CAST: variants seen among roughly 807,000 people sequenced by gnomAD.
CAST encodes the protein calpastatin, also known as MIR583 host.
CAST carries 76 observed loss-of-function variants against 119.6 expected under a neutral mutation model. The observed-to-expected ratio is 0.64, with a 90% CI of 0.53 to 0.77. The LOEUF is 0.77. CAST is among the 30% of genes least tolerant of loss of function. CAST has a pLI of 0.00. For synonymous variants in CAST, 319 were observed against 331.6 expected (o/e 0.96, Z 0.41); for missense variants, 953 against 946.5 (o/e 1.01, Z -0.09).
chr5:96,746,442 A>G lies in CAST; in HGVS notation c.1284+17A>G. On this transcript the variant is annotated intron_variant, in intron 17 of 31. Coordinates refer to ENST00000675179, the MANE Select transcript of CAST (RefSeq NM_001750.7). ...CCAGCCACGGTAAATTTTTAGCCAC[A>G]GTGCATGACAACAGCATCTTGCCTT... 1 of 1,404,018 alleles carries G rather than the reference A, an allele frequency of 7.1e-7. No individual in the cohort carries two copies. 87.0% of individuals were successfully genotyped at this position (1,404,018 alleles called of 1,614,324 possible). A position where few individuals can be genotyped will look rare whatever the true frequency, so the allele number is the denominator to read the frequency against.
At chr5:96,230,631 G>A in the CAST span, among the ~76,000 whole-genome samples, 1 of 152,090 alleles carries the variant, frequency 6.6e-6, no homozygotes, top group Non-Finnish European at 1.5e-5. Context: ...AGCAATGAAA[G>A]TAGGATTGTT....
At chr5:96,338,879 G>T in the CAST span, among the ~76,000 whole-genome samples, 1 of 152,094 alleles carries the variant, frequency 6.6e-6, no homozygotes, top group African/African-American at 2.4e-5. Context: ...GTCTTCCTCT[G>T]TGTGCCATTC....
the CAST span, among the ~76,000 whole-genome samples, chr5:96,455,027 G>T: frequency 6.6e-6 from 1 of 152,072 alleles, no homozygotes; most frequent in Non-Finnish European, 1.5e-5. Context: ...AATGAATTTA[G>T]CATAAAAAGT....
chr5:96,101,460 A>G, the CAST span, among the ~76,000 whole-genome samples: 2 of 152,304 alleles, frequency 1.3e-5, no homozygotes, highest in South Asian at 4.1e-4. Flanking sequence ...CTGCTTGCTT[A>G]CAAATTTTAC....
intron 1 of CAST, among the ~76,000 whole-genome samples, chr5:96,646,894 A>T (rs1748020672): frequency 6.6e-6 from 1 of 152,210 alleles, no homozygotes; most frequent in South Asian, 2.1e-4. Context: ...ACTTCTAGAA[A>T]TCACTTAGCC....
chr5:96,358,024 T>C, the CAST span, among the ~76,000 whole-genome samples: 3 of 152,220 alleles, frequency 2.0e-5, no homozygotes, highest in Non-Finnish European at 4.4e-5. Flanking sequence ...TATTGGTCTA[T>C]TCAGAGATTC....
the CAST span, among the ~76,000 whole-genome samples, chr5:96,015,255 T>C: frequency 1.3e-5 from 2 of 152,182 alleles, no homozygotes; most frequent in Non-Finnish European, 2.9e-5. Flanking sequence ...CTTTTATTTT[T>C]TTAAAATCCA....
the CAST span, among the ~76,000 whole-genome samples, chr5:96,302,556 C>T: frequency 2.6e-5 from 4 of 152,144 alleles, no homozygotes; most frequent in African/African-American, 7.2e-5. Context: ...TTTGTTTATG[C>T]AGATAAGCAT....
chr5:96,521,664 GA>G (rs1292749814), upstream of CAST, among the ~76,000 whole-genome samples: 4 of 152,050 alleles, frequency 2.6e-5, no homozygotes, highest in Admixed American at 2.6e-4. Context: ...TCACTCAATA[GA>G]CCTTGAGTTC....
At chr5:96,704,793 A>G (rs1204822670) in intron 3 of CAST, among the ~76,000 whole-genome samples, 10 of 152,232 alleles carry the variant, frequency 6.6e-5, no homozygotes, top group Admixed American at 6.5e-4. Flanking sequence ...CTAGAAAATT[A>G]CAGGAGGTCT....
intron 1 of CAST, among the ~76,000 whole-genome samples, chr5:96,607,129 A>T (rs1219878110): frequency 6.6e-6 from 1 of 152,126 alleles, no homozygotes; most frequent in African/African-American, 2.4e-5. Flanking sequence ...TCTACTAAAA[A>T]TGCAAAAAAT....
rs1773638165 is a variant in CAST at position 96,774,523 on chromosome 5, C to A, written c.*1907C>A. The stretch of plus-strand genomic sequence containing the variant: ...CAATTTTTTATTATCAAAAAGGTTT[C>A]TGCACATTGTTGTGGCAATATTGTA... On this transcript the variant is annotated 3_prime_UTR_variant, in exon 32 of 32. Transcript: ENST00000675179. 1 of 986,140 alleles carries A rather than the reference C, an allele frequency of 1.0e-6. No individual in the cohort carries two copies. The highest frequency in any genetic ancestry group is 4.7e-5 in the South Asian group (1 of 21,288). The allele number at this position is 986,140 out of a possible 1,614,324, so 61.1% of individuals were successfully genotyped here.
chr5:96,169,754 G>A, the CAST span, among the ~76,000 whole-genome samples: 1 of 152,126 alleles, frequency 6.6e-6, no homozygotes, highest in East Asian at 1.9e-4. Flanking sequence ...AGATACAAGG[G>A]GAGGATGTCA....
chr5:96,618,067 C>A (rs1227915581), intron 1 of CAST, among the ~76,000 whole-genome samples: 1 of 152,126 alleles, frequency 6.6e-6, no homozygotes, highest in Non-Finnish European at 1.5e-5. Flanking sequence ...GTGGCAGGAG[C>A]TTGGCTTAGA....
chr5:96,059,085 G>C, the CAST span, among the ~76,000 whole-genome samples: 1 of 151,670 alleles, frequency 6.6e-6, no homozygotes, highest in African/African-American at 2.4e-5. Context: ...TTTTTTGTTA[G>C]AGATGAGAAC....
At chr5:96,414,753 A>G in the CAST span, among the ~76,000 whole-genome samples, 5 of 152,336 alleles carry the variant, frequency 3.3e-5, no homozygotes, top group East Asian at 7.7e-4. Context: ...TTCGTTCATT[A>G]TGACTAAAAG....
At chr5:96,117,401 C>T in the CAST span, among the ~76,000 whole-genome samples, 1,562 of 152,154 alleles carry the variant, frequency 0.01, 17 homozygotes, top group African/African-American at 0.026. Context: ...TAACCATGTC[C>T]GTGTAGAAAC....
At chr5:96,031,722 G>A in the CAST span, among the ~76,000 whole-genome samples, 1 of 151,942 alleles carries the variant, frequency 6.6e-6, no homozygotes, top group Non-Finnish European at 1.5e-5. Flanking sequence ...TACTGTTTTT[G>A]TTTTGTTTTT....
At chr5:96,130,998 C>T in the CAST span, among the ~76,000 whole-genome samples, 1 of 151,994 alleles carries the variant, frequency 6.6e-6, no homozygotes, top group Non-Finnish European at 1.5e-5. Flanking sequence ...ATACATACAC[C>T]TTTATCTAGC....
Sources: gnomAD v4.1 joint callset for allele counts (sites outside exome capture counted in the v4.1 genomes callset) on GRCh38, gnomAD v4.1.1 for gene constraint, MANE v1.5 for transcripts, NCBI Gene and HGNC (gene_info 2026-07-23, HGNC 2026-07-21) for gene names.